The following CBX3 variants were observed in gnomAD, a reference collection of about 807,000 sequenced individuals.
CBX3 encodes chromobox protein homolog 3.
In CBX3, 5 loss-of-function variants were observed where a neutral mutation model predicts 22.6. That is an observed-to-expected ratio of 0.22 (90% confidence interval 0.12 to 0.47). CBX3 has a LOEUF of 0.47. CBX3 is among the 20% of genes least tolerant of loss of function. The probability of loss-of-function intolerance (pLI) is 0.99; values close to 1 mark genes in which losing one functional copy is unlikely to be tolerated. For missense variants in CBX3, 83 were observed against 208.1 expected (o/e 0.40, Z 3.70); for synonymous variants, 50 against 66.6 (o/e 0.75, Z 1.21).
At chr7:26,203,106 A>T in intron 2 of CBX3, 84 bp downstream of exon 2, 1 of 936,084 alleles carries the variant, frequency 1.1e-6, no homozygotes. Flanking sequence ...TCTGTGGCTG[A>T]GAAATTTACA....
intron 4 of CBX3, 67 bp downstream of exon 4, chr7:26,208,622 G>T: frequency 6.9e-7 from 1 of 1,445,542 alleles, no homozygotes; most frequent in Non-Finnish European, 9.5e-7. Flanking sequence ...TTTCTTTTTT[G>T]TTTGTTTGTT....
chr7:26,202,514 T>C (rs1288702558), intron 1 of CBX3: 1 of 153,748 alleles, frequency 6.5e-6, no homozygotes, highest in African/African-American at 2.4e-5. Context: ...GTTTTTTCCT[T>C]TTGTTATTTA....
At chr7:26,202,903 C>T in intron 1 of CBX3, 68 bp from the exon 2 acceptor site, 7 of 984,096 alleles carry the variant, frequency 7.1e-6, no homozygotes, top group Non-Finnish European at 1.1e-5. Context: ...GGAATCCAAA[C>T]AGAATTTGTA....
At chr7:26,201,485 G>A (rs1784430779), upstream of CBX3, 1 of 152,122 alleles carries the variant, frequency 6.6e-6, no homozygotes, top group Non-Finnish European at 1.5e-5. Flanking sequence ...CCACCGCTGA[G>A]GAGACTCCGG....
intron 3 of CBX3, 156 bp from the exon 4 acceptor site, chr7:26,208,236 TG>T (rs1411249896): frequency 2.6e-5 from 13 of 503,558 alleles, no homozygotes; most frequent in South Asian, 3.8e-5. Context: ...GGAGGCAGGC[TG>T]GGGGGTGGGG....
chr7:26,201,593 TCCC>T (rs1429985898), upstream of CBX3: 2 of 142,916 alleles, frequency 1.4e-5, no homozygotes. Context: ...GCCTCCGCCC[TCCC>T]CCTAGGGCCC....
At chr7:26,212,030 T>C in intron 5 of CBX3, 52 bp from the exon 6 acceptor site, 1 of 1,447,154 alleles carries the variant, frequency 6.9e-7, no homozygotes, top group African/African-American at 1.4e-5. Flanking sequence ...TGGCTGTCGG[T>C]TGACATGAAC....
rs1179480147 is a variant in CBX3, at chr7:26,213,193, T to C, written c.*985T>C. The C allele has an allele frequency of 1.3e-5, 2 of 152,726 alleles. No individual in the cohort carries two copies. The highest frequency in any genetic ancestry group is 2.9e-5 in the Non-Finnish European group (2 of 68,056). The allele number at this position is 152,726 out of a possible 1,614,324, so 9.5% of individuals were successfully genotyped here. A position where few individuals can be genotyped will look rare whatever the true frequency, so the allele number is the denominator to read the frequency against. On this transcript the variant is annotated 3_prime_UTR_variant, in exon 6 of 6. Coordinates refer to ENST00000396386, the MANE Select transcript of CBX3 (RefSeq NM_016587.4). ...CCTGCATGTTTTTTCTTTACCCCAA[T>C]TCATTACATGGAGGCTCAATCTTGA...
upstream of CBX3, chr7:26,201,598 C>T (rs1191482071): frequency 1.3e-5 from 2 of 150,512 alleles, no homozygotes; most frequent in Admixed American, 6.6e-5. Context: ...CGCCCTCCCC[C>T]TAGGGCCCCA....
intron 4 of CBX3, 107 bp downstream of exon 4, chr7:26,208,662 C>G: frequency 9.2e-7 from 1 of 1,090,364 alleles, no homozygotes; most frequent in Middle Eastern, 2.4e-4. Flanking sequence ...CTCTTGTCGC[C>G]CAGGCTGGAG....
chr7:26,201,632 G>GC (rs1264327479), upstream of CBX3: 1 of 147,062 alleles, frequency 6.8e-6, no homozygotes, highest in Non-Finnish European at 1.5e-5. Flanking sequence ...GCGGCGCGCG[G>GC]CCCCTCCCCC....
intron 1 of CBX3, chr7:26,202,383 G>T: frequency 6.6e-6 from 1 of 152,354 alleles, no homozygotes; most frequent in East Asian, 1.9e-4. Context: ...TCCCGGGTGG[G>T]GGCGGGCACC....
intron 1 of CBX3, 47 bp from the exon 2 acceptor site, chr7:26,202,924 T>G: frequency 8.3e-7 from 1 of 1,206,466 alleles, no homozygotes; most frequent in Non-Finnish European, 1.2e-6. Context: ...TTTAGTTACC[T>G]TTTTTGTGTC....
chr7:26,202,941 AC>A, intron 1 of CBX3, 29 bp from the exon 2 acceptor site: 1 of 1,426,062 alleles, frequency 7.0e-7, no homozygotes, highest in South Asian at 1.2e-5. Context: ...TGTCATGCAA[AC>A]TTACCTTAAC....
intron 2 of CBX3, among the ~76,000 whole-genome samples, chr7:26,205,514 G>GTC (rs2128137093): frequency 6.6e-6 from 1 of 152,236 alleles, no homozygotes; most frequent in East Asian, 1.9e-4. Context: ...CCTCCTAGTG[G>GTC]TCTCTATAGT....
chr7:26,205,447 T>C (rs1416150446), intron 2 of CBX3, among the ~76,000 whole-genome samples: 1 of 152,214 alleles, frequency 6.6e-6, no homozygotes, highest in African/African-American at 2.4e-5. Flanking sequence ...TTGTTCTAAG[T>C]GGTAGGAAAT....
intron 4 of CBX3, chr7:26,209,919 G>A (rs1254325604): frequency 6.6e-6 from 1 of 152,004 alleles, no homozygotes; most frequent in African/African-American, 2.4e-5. Context: ...TAAGGTCATA[G>A]GTATAATCAC....
intron 4 of CBX3, among the ~76,000 whole-genome samples, chr7:26,210,774 A>G (rs1294692171): frequency 6.6e-6 from 1 of 152,206 alleles, no homozygotes; most frequent in Non-Finnish European, 1.5e-5. Context: ...CAGATATTCA[A>G]CATGTGTCTT....
At chr7:26,211,835 A>G in intron 5 of CBX3, 79 bp downstream of exon 5, 1 of 1,101,700 alleles carries the variant, frequency 9.1e-7, no homozygotes. Flanking sequence ...TTTCATCATT[A>G]GGTAGGGAAA....
Sources: gnomAD v4.1 joint callset for allele counts (sites outside exome capture counted in the v4.1 genomes callset) on GRCh38, gnomAD v4.1.1 for gene constraint, MANE v1.5 for transcripts, NCBI Gene and HGNC (gene_info 2026-07-23, HGNC 2026-07-21) for gene names.